Variants in ZNF507 observed in about 807,000 individuals in gnomAD.
The protein encoded by ZNF507 is zinc finger protein 507.
ZNF507 carries 29 observed loss-of-function variants against 80.0 expected under a neutral mutation model. The ratio of observed to expected loss-of-function variants is 0.36; its 90% CI spans 0.27 to 0.49. The LOEUF (loss-of-function observed/expected upper bound fraction) is 0.49, where lower values mean the gene tolerates loss of function less well. Ranked by LOEUF, ZNF507 falls within the 20% of genes least tolerant of loss-of-function variation. The probability of loss-of-function intolerance (pLI) is 0.98; values close to 1 mark genes in which losing one functional copy is unlikely to be tolerated. For synonymous variants in ZNF507, 462 were observed against 422.5 expected, an observed-to-expected ratio of 1.09 and a Z score of -1.15; for missense variants, 1,081 against 1,152.2, an observed-to-expected ratio of 0.94 and a Z score of 0.90.
At chr19:32,375,044 C>T (rs1045861700) in intron 5 of ZNF507, among the ~76,000 whole-genome samples, 1 of 151,834 alleles carries the variant, frequency 6.6e-6, no homozygotes, top group Non-Finnish European at 1.5e-5. Flanking sequence ...GTTTAAGTGC[C>T]TCCTGAGTAT....
In ZNF507 at chr19:32,353,748, C is replaced by T. The variant is rs1967205522; in HGVS notation, c.918C>T (p.Val306=). 6 of 1,614,222 alleles carry T rather than the reference C, an allele frequency of 3.7e-6. No homozygotes were observed. Among genetic ancestry groups the T allele is most frequent in the Non-Finnish European group, 5.1e-6 (6 of 1,180,044 alleles). The change falls in exon 3 of 7, where the codon GTC becomes GTT. Residue 306 remains valine (V), a synonymous_variant. Transcript: ENST00000355898. ...CGCCTGGTGGGGTCGATGCAGTCGT[C>T]ATTGCTATTGGAGAGAGTGAACTGA... The part of the protein sequence containing the change: ...AAAPGGVDAV[V]IAIGESELSI...
chr19:32,345,950 C>T (rs941997298), intron 1 of ZNF507, among the ~76,000 whole-genome samples, 167 bp downstream of exon 1: 4 of 152,328 alleles, frequency 2.6e-5, no homozygotes, highest in Non-Finnish European at 5.9e-5. Context: ...GTCTTCTGTG[C>T]AGCAAGGCCT....
chr19:32,383,264 AATG>A lies in ZNF507; in HGVS notation c.*184_*186del. On this transcript the variant is annotated 3_prime_UTR_variant, in exon 7 of 7. Transcript: ENST00000355898. ...AAGGAATTCCAAATGGACAAGCAGT[AATG>A]ATATTTAAATATTTTGAGTGAGGGG... 1 of 748,258 alleles carries A rather than the reference AATG, an allele frequency of 1.3e-6. No individual in the cohort carries two copies. The highest frequency in any genetic ancestry group is 2.1e-6 in the Non-Finnish European group (1 of 477,776). The allele number at this position is 748,258 out of a possible 1,614,324, so 46.4% of individuals were successfully genotyped here. A position where few individuals can be genotyped will look rare whatever the true frequency, so the allele number is the denominator to read the frequency against.
At chr19:32,377,061 G>T (rs982546622) in intron 5 of ZNF507, among the ~76,000 whole-genome samples, 1 of 152,182 alleles carries the variant, frequency 6.6e-6, no homozygotes, top group Non-Finnish European at 1.5e-5. Context: ...GGCCACTGAA[G>T]CACAGCATCA....
chr19:32,351,425 G>C (rs902529372), intron 2 of ZNF507, among the ~76,000 whole-genome samples: 3 of 122,456 alleles, frequency 2.4e-5, no homozygotes, highest in Non-Finnish European at 3.4e-5. Context: ...TCAGCTGTGT[G>C]TGTGTGTGTG....
chr19:32,373,378 A>G (rs1267926259), intron 5 of ZNF507, among the ~76,000 whole-genome samples: 1 of 152,218 alleles, frequency 6.6e-6, no homozygotes, highest in Non-Finnish European at 1.5e-5. Flanking sequence ...AATTCAGATC[A>G]TACCACACTG....
chr19:32,358,409 C>T (rs1398006270), intron 4 of ZNF507: 1 of 152,216 alleles, frequency 6.6e-6, no homozygotes, highest in Non-Finnish European at 1.5e-5. Context: ...GCACAGATAC[C>T]TTAGGGCATG....
intron 4 of ZNF507, chr19:32,358,239 T>C (rs1226452431): frequency 6.6e-6 from 1 of 152,248 alleles, no homozygotes; most frequent in Non-Finnish European, 1.5e-5. Context: ...ATATTAGATA[T>C]TTTGAAATCT....
chr19:32,351,533 C>G (rs12981936), intron 2 of ZNF507, among the ~76,000 whole-genome samples: 12 of 16,966 alleles, frequency 7.1e-4, no homozygotes, highest in African/African-American at 1.8e-3. Flanking sequence ...GGCGTGGGGG[C>G]GGGCGGGGCC....
At position 32,354,228 on chromosome 19, in the gene ZNF507, G is replaced by A. The variant is rs758823849; in HGVS notation, c.1398G>A (p.Glu466=). ...GGAGCAGTTCAGAGAAAAAAGACGA[G>A]TTAATGAATAAAGGCCTGGCTACTG... ...IGWSSSEKKD[E]LMNKGLATDE... The change falls in exon 3 of 7, where the codon GAG becomes GAA. Residue 466 remains glutamate, a synonymous_variant. Transcript: ENST00000355898. 3 of 1,614,064 alleles carry A rather than the reference G, an allele frequency of 1.9e-6. No homozygotes were observed. The highest frequency in any genetic ancestry group is 3.3e-5 in the Admixed American group (2 of 60,014).
chr19:32,379,293 A>G (rs1218790486), intron 5 of ZNF507, among the ~76,000 whole-genome samples: 1 of 152,250 alleles, frequency 6.6e-6, no homozygotes, highest in Non-Finnish European at 1.5e-5. Flanking sequence ...TGGGCAAAAT[A>G]AAATGAATTA....
intron 2 of ZNF507, among the ~76,000 whole-genome samples, chr19:32,348,970 G>T (rs565065325): frequency 6.6e-6 from 1 of 152,314 alleles, no homozygotes; most frequent in Non-Finnish European, 1.5e-5. Context: ...ATAATTCAAG[G>T]AAGGTATATT....
At chr19:32,358,250 G>GC (rs1967277024) in intron 4 of ZNF507, 2 of 152,222 alleles carry the variant, frequency 1.3e-5, no homozygotes, top group East Asian at 3.9e-4. Flanking sequence ...TTTGAAATCT[G>GC]GTTGTCAGGC....
At chr19:32,346,613 C>T (rs142916742) in intron 1 of ZNF507, among the ~76,000 whole-genome samples, 1 of 152,336 alleles carries the variant, frequency 6.6e-6, no homozygotes, top group East Asian at 1.9e-4. Flanking sequence ...AAATTAACTT[C>T]AGGGGAGCCC....
At chr19:32,382,624 T>C (rs1243283208) in intron 6 of ZNF507, 23 bp downstream of exon 6, 9 of 1,613,734 alleles carry the variant, frequency 5.6e-6, no homozygotes, top group Non-Finnish European at 7.6e-6. Context: ...ACCCCCTCCC[T>C]TTATTGCTAT....
intron 5 of ZNF507, among the ~76,000 whole-genome samples, chr19:32,363,134 C>T (rs902031198): frequency 6.6e-6 from 1 of 152,182 alleles, no homozygotes; most frequent in East Asian, 1.9e-4. Context: ...GTTTCTCTGG[C>T]TCATTTCATG....
intron 3 of ZNF507, among the ~76,000 whole-genome samples, chr19:32,356,336 C>T (rs1967251865): frequency 6.6e-6 from 1 of 152,174 alleles, no homozygotes; most frequent in African/African-American, 2.4e-5. Context: ...ACCAGTGTTT[C>T]AGTAAATACG....
chr19:32,371,797 A>T (rs544649463), intron 5 of ZNF507, among the ~76,000 whole-genome samples: 66 of 151,558 alleles, frequency 4.4e-4, no homozygotes, highest in African/African-American at 1.5e-3. Context: ...CCGCTACCAT[A>T]CCTGGCTAAT....
At chr19:32,350,144 T>C (rs893723031) in intron 2 of ZNF507, among the ~76,000 whole-genome samples, 2 of 152,200 alleles carry the variant, frequency 1.3e-5, no homozygotes, top group African/African-American at 4.8e-5. Context: ...TTGAAAGAGT[T>C]GGCCTTACAG....
Sources: allele counts gnomAD v4.1 joint callset (sites outside exome capture counted in the v4.1 genomes callset), GRCh38; gene constraint gnomAD v4.1.1; transcripts MANE v1.5; gene names NCBI Gene and HGNC (gene_info 2026-07-23, HGNC 2026-07-21).